Variants in CLPS observed in about 807,000 individuals in gnomAD.
CLPS encodes colipase, pancreatic.
CLPS carries 8 observed loss-of-function variants against 9.3 expected under a neutral mutation model. The observed-to-expected ratio is 0.86, with a 90% CI of 0.51 to 1.56. The LOEUF (loss-of-function observed/expected upper bound fraction) is 1.56, where lower values mean the gene tolerates loss of function less well. Among genes scored for constraint, CLPS ranks in the 40% most tolerant of loss-of-function variants. The probability of loss-of-function intolerance (pLI) is 0.00; values close to 1 mark genes in which losing one functional copy is unlikely to be tolerated. For missense variants in CLPS, 144 were observed against 145.7 expected (o/e 0.99, Z 0.06); for synonymous variants, 61 against 56.2 (o/e 1.09, Z -0.39).
Position 35,797,321 on chromosome 6 carries a change from G to A in CLPS, c.-33C>T, listed in dbSNP as rs1304945494. The A allele has an allele frequency of 1.9e-6, 3 of 1,599,536 alleles. No individual in the cohort carries two copies. The highest frequency in any genetic ancestry group is 2.7e-5 in the African/African-American group (2 of 74,648). On this transcript the variant is annotated 5_prime_UTR_variant, in exon 1 of 3. Transcript: ENST00000259938. ...GGGACAGCTGGTGTGGGTGGCGGGA[G>A]ACAGAGCCAGCTGTGGTGATGGGGC...
chr6:35,797,177 G>A (rs2151066202), intron 1 of CLPS, 28 bp downstream of exon 1: 1 of 1,592,846 alleles, frequency 6.3e-7, no homozygotes, highest in Non-Finnish European at 8.6e-7. Flanking sequence ...GGGGACTCAG[G>A]AGGCGCCTCC....
chr6:35,797,183 C>T (rs768924929), intron 1 of CLPS, 22 bp downstream of exon 1: 3 of 1,605,694 alleles, frequency 1.9e-6, no homozygotes, highest in East Asian at 2.2e-5. Flanking sequence ...TCAGGAGGCG[C>T]CTCCCCTGAA....
intron 1 of CLPS, among the ~76,000 whole-genome samples, 179 bp from the exon 2 acceptor site, chr6:35,796,032 C>T (rs1280533226): frequency 2.6e-5 from 4 of 152,274 alleles, no homozygotes; most frequent in African/African-American, 4.8e-5. Flanking sequence ...AGTGGGCATG[C>T]GGTGACAGAG....
chr6:35,795,866 G>A lies in CLPS; in HGVS notation c.85-13C>T. 1 of 1,611,580 alleles carries A rather than the reference G, an allele frequency of 6.2e-7. No homozygotes were observed. Among genetic ancestry groups the A allele is most frequent in the South Asian group, 1.1e-5 (1 of 91,078 alleles). ...GCTCACCGTTCTCCTGCCAGGAGCA[G>A]CCAGTCAGCCCAGGCCCCACTCCCT... On this transcript the variant is annotated splice_polypyrimidine_tract_variant and intron_variant, in intron 1 of 2. Transcript: ENST00000259938.
rs1447560624 is a variant in CLPS, at chr6:35,795,810, T to A, written c.128A>T (p.Asn43Ile). 1.2e-6 allele frequency: 2 copies of A among 1,613,352 alleles called. No homozygotes were observed. Among genetic ancestry groups the A allele is most frequent in the Admixed American group, 3.3e-5 (2 of 60,026 alleles). Residue 43 changes from asparagine to isoleucine, a missense_variant, in exon 2 of 3, where the codon AAT becomes ATT. Physicochemically the swap from Asn to Ile is moderately radical, Grantham distance 149. Coordinates refer to ENST00000259938, the MANE Select transcript of CLPS (RefSeq NM_001832.4). ...LCMNSAQCKSNCCQHSSALGL... is the reference protein window; with the variant it reads ...LCMNSAQCKSICCQHSSALGL... ...CAGCGCACTTGAATGCTGGCAGCAA[T>A]TGCTCTTACACTGGGCACTATTCAT...
At chr6:35,795,402 C>T (rs1768332952) in intron 2 of CLPS, 125 bp from the exon 3 acceptor site, 1 of 1,415,830 alleles carries the variant, frequency 7.1e-7, no homozygotes, top group East Asian at 2.4e-5. Flanking sequence ...TCCCACCTGC[C>T]TCCCCAGGGG....
intron 1 of CLPS, chr6:35,796,956 G>A (rs545659838): frequency 1.9e-6 from 1 of 536,386 alleles, no homozygotes; most frequent in South Asian, 2.1e-5. Context: ...AGAAAAAAAA[G>A]GTCCCTCATA....
At chr6:35,795,978 AT>A (rs1768358168) in intron 1 of CLPS, 125 bp from the exon 2 acceptor site, 7 of 1,477,180 alleles carry the variant, frequency 4.7e-6, no homozygotes, top group Non-Finnish European at 6.4e-6. Context: ...GAAGGAGTCC[AT>A]CCCCTGGGTC....
In CLPS at chr6:35,795,095, G is replaced by A. The variant is rs546150357; in HGVS notation, c.*51C>T. 18 of 1,598,924 alleles carry A rather than the reference G, an allele frequency of 1.1e-5. No homozygotes were observed. Among genetic ancestry groups the A allele is most frequent in the South Asian group, 5.7e-5 (5 of 88,244 alleles). On this transcript the variant is annotated 3_prime_UTR_variant, in exon 3 of 3. Transcript: ENST00000259938. ...TGGAGCAGGGGAGAGATGCCCCTGC[G>A]CCTAGTGGCCTACAGCATTCTGGGC... is the stretch of plus-strand genomic sequence containing the variant.
Position 35,795,103 on chromosome 6 carries a change from G to A in CLPS, c.*43C>T, listed in dbSNP as rs1452730369. 6.2e-7 allele frequency: 1 copy of A among 1,605,808 alleles called. No individual in the cohort carries two copies. Among genetic ancestry groups the A allele is most frequent in the Non-Finnish European group, 8.5e-7 (1 of 1,176,312 alleles). ...GGGAGAGATGCCCCTGCGCCTAGTG[G>A]CCTACAGCATTCTGGGCTAGGTGTG... On this transcript the variant is annotated 3_prime_UTR_variant, in exon 3 of 3. Coordinates refer to ENST00000259938, the MANE Select transcript of CLPS (RefSeq NM_001832.4).
Position 35,795,163 on chromosome 6 carries a change from C to T in CLPS, c.322G>A (p.Gly108Arg), listed in dbSNP as rs1251323028. ...NTNFGICHDA[G>R]RSKQ Reference sequence around the variant, plus strand: ...GGGCAGTCTCACTGCTTGGAGCGTCCAGCGTCATGGCAGATGCCAAAGTTG... The same window carrying T: ...GGGCAGTCTCACTGCTTGGAGCGTCTAGCGTCATGGCAGATGCCAAAGTTG... The change falls in exon 3 of 3, where the codon GGA becomes AGA. Residue 108 changes from glycine to arginine, a missense_variant. Gly to Arg is a moderately radical substitution (Grantham distance 125). Transcript: ENST00000259938. The T allele has an allele frequency of 1.9e-6, 3 of 1,613,908 alleles. No individual in the cohort carries two copies. The highest frequency in any genetic ancestry group is 1.3e-5 in the African/African-American group (1 of 74,946).
intron 1 of CLPS, chr6:35,796,848 C>G: frequency 2.2e-6 from 1 of 461,662 alleles, no homozygotes; most frequent in Non-Finnish European, 4.2e-6. Flanking sequence ...GCAGGAGAAT[C>G]ATTTGAACCC....
chr6:35,795,915 T>G, intron 1 of CLPS, 62 bp from the exon 2 acceptor site: 1 of 1,598,810 alleles, frequency 6.3e-7, no homozygotes, highest in African/African-American at 1.3e-5. Flanking sequence ...CATTCAGACC[T>G]GTACCCACCA....
In CLPS at chr6:35,797,276, G is replaced by C. The variant is rs1378018837; in HGVS notation, c.13C>G (p.Leu5Val). 6.2e-7 allele frequency: 1 copy of C among 1,614,002 alleles called. No individual in the cohort carries two copies. ...GAGAGGGCGACAAGCAGGAGGATCA[G>C]GATCTTCTCCATGGTGAGTGGGACA... MEKI[L>V]ILLLVALSVA... Residue 5 changes from leucine to valine, a missense_variant, in exon 1 of 3, where the codon CTG (leucine) becomes GTG (valine). By Grantham distance (32) the Leu-to-Val change is conservative. Transcript: ENST00000259938.
chr6:35,797,316 C>T lies in CLPS; in HGVS notation c.-28G>A, dbSNP rs758654606. The T allele has an allele frequency of 3.0e-5, 48 of 1,606,542 alleles. No homozygotes were observed. The South Asian group carries it at 3.2e-4, about 11-fold the overall frequency. On this transcript the variant is annotated 5_prime_UTR_variant, in exon 1 of 3. Transcript: ENST00000259938. ...TGAGTGGGACAGCTGGTGTGGGTGG[C>T]GGGAGACAGAGCCAGCTGTGGTGAT...
chr6:35,795,767 T>C lies in CLPS; in HGVS notation c.171A>G (p.Thr57=), dbSNP rs941766533. The stretch of plus-strand genomic sequence containing the variant: ...ACTCGCTGTTCTCGCTGGCCATGGA[T>C]GTGCAGCGGGCCAGGCCCAGCGCAC... ...HSSALGLARC[T]SMASENSECS... Residue 57 remains threonine, a synonymous_variant, in exon 2 of 3, where the codon ACA becomes ACG. Coordinates refer to ENST00000259938, the MANE Select transcript of CLPS (RefSeq NM_001832.4). The C allele has an allele frequency of 6.2e-7, 1 of 1,613,180 alleles. No individual in the cohort carries two copies. The highest frequency in any genetic ancestry group is 8.5e-7 in the Non-Finnish European group (1 of 1,180,034).
At chr6:35,795,989 C>T in intron 1 of CLPS, 136 bp from the exon 2 acceptor site, 1 of 1,404,996 alleles carries the variant, frequency 7.1e-7, no homozygotes, top group Non-Finnish European at 9.7e-7. Flanking sequence ...TCCCCTGGGT[C>T]TGGTGGCCTC....
intron 1 of CLPS, chr6:35,796,795 G>C: frequency 2.2e-6 from 1 of 455,396 alleles, no homozygotes; most frequent in Non-Finnish European, 4.4e-6. Context: ...ATAGCTGAGC[G>C]TTATGGCAGG....
At position 35,797,309 on chromosome 6, in the gene CLPS, T is replaced by C; in HGVS notation, c.-21A>G. 1 of 1,611,458 alleles carries C rather than the reference T, an allele frequency of 6.2e-7. No homozygotes were observed. The highest frequency in any genetic ancestry group is 8.5e-7 in the Non-Finnish European group (1 of 1,178,130). ...TCCATGGTGAGTGGGACAGCTGGTGTGGGTGGCGGGAGACAGAGCCAGCTG... is the reference window on the plus strand; with the variant it reads ...TCCATGGTGAGTGGGACAGCTGGTGCGGGTGGCGGGAGACAGAGCCAGCTG... On this transcript the variant is annotated 5_prime_UTR_variant, in exon 1 of 3. Transcript: ENST00000259938.
Sources: allele counts gnomAD v4.1 joint callset (sites outside exome capture counted in the v4.1 genomes callset), GRCh38; gene constraint gnomAD v4.1.1; transcripts MANE v1.5; gene names NCBI Gene and HGNC (gene_info 2026-07-23, HGNC 2026-07-21).